Variants in AAMDC observed in about 807,000 individuals in gnomAD.
The protein encoded by AAMDC is mth938 domain-containing protein.
In AAMDC, 16 loss-of-function variants were observed where a neutral mutation model predicts 15.5. That is an observed-to-expected ratio of 1.03 (90% CI 0.70 to 1.57). The LOEUF is 1.57. Among genes scored for constraint, AAMDC ranks in the 40% most tolerant of loss-of-function variants. The pLI is 0.00. For missense variants in AAMDC, 141 were observed against 144.9 expected (o/e 0.97, Z 0.14); for synonymous variants, 51 against 51.6 (o/e 0.99, Z 0.05).
At chr11:77,892,973 G>A (rs1467642613) in intron 5 of AAMDC, among the ~76,000 whole-genome samples, 1 of 152,174 alleles carries the variant, frequency 6.6e-6, no homozygotes, top group Admixed American at 6.5e-5. Flanking sequence ...ACTCAGCCCT[G>A]TAAGAAGCTA....
chr11:77,825,483 G>A (rs544484734), intron 1 of AAMDC, among the ~76,000 whole-genome samples: 2 of 152,200 alleles, frequency 1.3e-5, no homozygotes, highest in South Asian at 2.1e-4. Context: ...TACATGTAGT[G>A]AAAAAGCTAT....
In AAMDC at chr11:77,869,600, G is replaced by A. The variant is rs1286052200; in HGVS notation, c.133-122G>A. 2.6e-5 allele frequency: 25 copies of A among 964,402 alleles called. No individual in the cohort carries two copies. The East Asian group carries it at 6.3e-4, about 24-fold the overall frequency. 59.7% of individuals were successfully genotyped at this position (964,402 alleles called of 1,614,324 possible). On this transcript the variant is annotated intron_variant, in intron 2 of 3. Coordinates refer to ENST00000393427, the MANE Select transcript of AAMDC (RefSeq NM_024684.4). ...CCTAAGTGCCTTAAAGAGCCTATGA[G>A]TGATGCTTGGCACAAAGTGAACCTC...
At chr11:77,848,649 C>T (rs749440875) in intron 2 of AAMDC, among the ~76,000 whole-genome samples, 3 of 152,106 alleles carry the variant, frequency 2.0e-5, no homozygotes, top group Admixed American at 6.6e-5. Flanking sequence ...TGTGAGCCAC[C>T]GTGCCTGGCC....
intron 2 of AAMDC, among the ~76,000 whole-genome samples, chr11:77,843,070 T>C (rs1950000415): frequency 6.6e-6 from 1 of 152,214 alleles, no homozygotes; most frequent in East Asian, 1.9e-4. Flanking sequence ...TTATATAGTG[T>C]TTAACCTTTT....
At chr11:77,848,348 A>G (rs12099183) in intron 2 of AAMDC, among the ~76,000 whole-genome samples, 2,731 of 152,146 alleles carry the variant, frequency 0.018, 82 homozygotes, top group African/African-American at 0.063. Flanking sequence ...ATGAGTTAAT[A>G]TTACCATTAA....
chr11:77,868,259 G>A (rs1344697804), intron 2 of AAMDC, among the ~76,000 whole-genome samples: 2 of 150,598 alleles, frequency 1.3e-5, no homozygotes, highest in Non-Finnish European at 2.9e-5. Flanking sequence ...GTTTCACCGT[G>A]TTAGCCAGGA....
intron 5 of AAMDC, among the ~76,000 whole-genome samples, chr11:77,899,747 A>G (rs547434358): frequency 6.6e-6 from 1 of 152,290 alleles, no homozygotes; most frequent in East Asian, 1.9e-4. Flanking sequence ...TTATATAATG[A>G]CATGACAAGA....
intron 2 of AAMDC, among the ~76,000 whole-genome samples, chr11:77,848,840 CA>C (rs1950253108): frequency 6.6e-6 from 1 of 152,194 alleles, no homozygotes; most frequent in African/African-American, 2.4e-5. Context: ...AGCTGGAGTG[CA>C]GGGTTGTAAT....
chr11:77,853,490 C>A (rs1950484852), intron 2 of AAMDC, among the ~76,000 whole-genome samples: 1 of 152,074 alleles, frequency 6.6e-6, no homozygotes, highest in African/African-American at 2.4e-5. Flanking sequence ...ACGAGAACAG[C>A]AAGGGGGATA....
chr11:77,830,987 C>CAAAAAAAAA (rs59283485), intron 1 of AAMDC, among the ~76,000 whole-genome samples: 1 of 100,512 alleles, frequency 9.9e-6, no homozygotes, highest in Non-Finnish European at 2.0e-5. Context: ...CAAAATATAC[C>CAAAAAAAAA]AAAAAAAAAA....
chr11:77,848,579 C>T (rs746749796), intron 2 of AAMDC, among the ~76,000 whole-genome samples: 4 of 152,084 alleles, frequency 2.6e-5, no homozygotes, highest in African/African-American at 4.8e-5. Flanking sequence ...AGGTTGGTCT[C>T]GAACGCCTGA....
At chr11:77,829,873 T>G (rs1446715693) in intron 1 of AAMDC, 1 of 152,274 alleles carries the variant, frequency 6.6e-6, no homozygotes, top group Non-Finnish European at 1.5e-5. Context: ...TGTTCATGCT[T>G]GTAATCCCAG....
At chr11:77,862,364 C>T (rs937195939) in intron 2 of AAMDC, among the ~76,000 whole-genome samples, 3 of 152,184 alleles carry the variant, frequency 2.0e-5, no homozygotes, top group Non-Finnish European at 2.9e-5. Context: ...TGTCCTAACC[C>T]TTGTAAAACA....
At chr11:77,854,017 C>G (rs11822798) in intron 2 of AAMDC, among the ~76,000 whole-genome samples, 147,014 of 147,038 alleles carry the variant, frequency 1, 73,495 homozygotes, top group Middle Eastern at 1. Flanking sequence ...TTGAGACAGA[C>G]TCTCGCTCCG....
rs780984349 is a variant in AAMDC, at chr11:77,883,874, G to A, written c.328+6825G>A. Reference sequence around the variant, plus strand: ...GAGAGATAAACCTGAGTGATGAGCCGGTGCCGCCCTGGGCCAGGATTCCGG... The same window carrying A: ...GAGAGATAAACCTGAGTGATGAGCCAGTGCCGCCCTGGGCCAGGATTCCGG... On this transcript the variant is annotated intron_variant, in intron 5 of 5. Transcript: ENST00000304716. 6.8e-6 allele frequency: 11 copies of A among 1,612,626 alleles called. No homozygotes were observed. In the East Asian group the frequency reaches 1.1e-4, roughly 16 times the overall value.
chr11:77,905,144 C>T (rs1042881042), downstream of AAMDC, among the ~76,000 whole-genome samples: 4 of 151,962 alleles, frequency 2.6e-5, no homozygotes, highest in Non-Finnish European at 5.9e-5. Flanking sequence ...CAGCCAGTGG[C>T]CAGGAGAGAA....
At chr11:77,873,185 G>C (rs545279884), downstream of AAMDC, among the ~76,000 whole-genome samples, 2 of 152,194 alleles carry the variant, frequency 1.3e-5, no homozygotes, top group African/African-American at 4.8e-5. Context: ...GCAGCTCACT[G>C]CCACTCACTG....
At chr11:77,825,592 C>T (rs1320250344) in intron 1 of AAMDC, among the ~76,000 whole-genome samples, 1 of 151,974 alleles carries the variant, frequency 6.6e-6, no homozygotes, top group Non-Finnish European at 1.5e-5. Flanking sequence ...AGATGTAAAC[C>T]AACCATTTTC....
intron 1 of AAMDC, among the ~76,000 whole-genome samples, chr11:77,825,779 C>T (rs992096191): frequency 6.6e-6 from 1 of 151,470 alleles, no homozygotes; most frequent in Non-Finnish European, 1.5e-5. Context: ...GCAACCTCTG[C>T]CTCCTAAGTT....
Sources: allele counts gnomAD v4.1 joint callset (sites outside exome capture counted in the v4.1 genomes callset), GRCh38; gene constraint gnomAD v4.1.1; transcripts MANE v1.5; gene names NCBI Gene and HGNC (gene_info 2026-07-23, HGNC 2026-07-21).